Variants in FRMD5 observed in about 807,000 individuals in gnomAD.
The protein encoded by FRMD5 is FERM domain-containing protein 5.
A neutral mutation model predicts 69.0 loss-of-function variants in FRMD5; 20 were observed. The ratio of observed to expected loss-of-function variants is 0.29; its 90% CI spans 0.20 to 0.42. FRMD5 has a LOEUF of 0.42. Among genes scored for constraint, FRMD5 ranks in the 10% least tolerant of loss-of-function variants. The pLI is 1.00. For missense variants in FRMD5, 595 were observed against 708.6 expected (o/e 0.84, Z 1.82); for synonymous variants, 271 against 260.1 (o/e 1.04, Z -0.40).
intron 1 of FRMD5, among the ~76,000 whole-genome samples, chr15:43,985,613 A>G (rs923819451): frequency 2.0e-5 from 3 of 152,234 alleles, no homozygotes; most frequent in African/African-American, 7.2e-5. Context: ...TGACTGGACC[A>G]TATGACCAAA....
rs2088224387 is a variant in FRMD5 at position 43,873,592 on chromosome 15, C to G, written c.*293G>C. The G allele has an allele frequency of 7.0e-7, 1 of 1,434,260 alleles. No individual in the cohort carries two copies. The highest frequency in any genetic ancestry group is 2.9e-5 in the East Asian group (1 of 34,722). 88.8% of individuals were successfully genotyped at this position (1,434,260 alleles called of 1,614,324 possible). The stretch of plus-strand genomic sequence containing the variant: ...AAAATAATATACATCTATGAAAAAT[C>G]AAAATTCAAAACCAAAAATTATCCT... On this transcript the variant is annotated 3_prime_UTR_variant, in exon 14 of 14. Coordinates refer to ENST00000417257, the MANE Select transcript of FRMD5 (RefSeq NM_032892.5).
chr15:44,027,651 GTTTTTTTTTT>G (rs759567597), intron 1 of FRMD5, among the ~76,000 whole-genome samples: 1 of 73,950 alleles, frequency 1.4e-5, no homozygotes, highest in African/African-American at 3.3e-5. Flanking sequence ...TTTTTTTTTT[GTTTTTTTTTT>G]TTTTTCCGAG....
At chr15:43,927,282 C>T (rs2089600877) in intron 1 of FRMD5, among the ~76,000 whole-genome samples, 2 of 152,182 alleles carry the variant, frequency 1.3e-5, no homozygotes, top group African/African-American at 2.4e-5. Context: ...GGGGACCTCC[C>T]CCAGCCCACT....
intron 1 of FRMD5, among the ~76,000 whole-genome samples, chr15:44,096,865 T>G (rs2076561207): frequency 6.6e-6 from 1 of 152,132 alleles, no homozygotes. Flanking sequence ...TACTACTCAC[T>G]GAAAAATGTC....
chr15:44,124,244 C>T (rs1374626146), intron 1 of FRMD5, among the ~76,000 whole-genome samples: 6 of 151,776 alleles, frequency 4.0e-5, no homozygotes, highest in Admixed American at 1.3e-4. Context: ...CTGCCCGCCT[C>T]GGCCTCCCAA....
intron 1 of FRMD5, among the ~76,000 whole-genome samples, chr15:44,059,007 CT>C (rs1429478475): frequency 2.6e-5 from 4 of 152,148 alleles, no homozygotes; most frequent in Non-Finnish European, 4.4e-5. Context: ...GAGCCAGGAT[CT>C]TTGAGGACAA....
intron 1 of FRMD5, among the ~76,000 whole-genome samples, chr15:44,065,271 G>T (rs2733218): frequency 6.6e-6 from 1 of 152,332 alleles, no homozygotes; most frequent in Admixed American, 6.5e-5. Context: ...AATTATAATG[G>T]TAAAGAGGTC....
At chr15:44,038,520 CTTTTTTTTT>C (rs71111834) in intron 1 of FRMD5, among the ~76,000 whole-genome samples, 2 of 63,200 alleles carry the variant, frequency 3.2e-5, no homozygotes, top group Admixed American at 5.6e-4. Context: ...CTAGCCAGAG[CTTTTTTTTT>C]TTTTTTTTTT....
chr15:44,058,976 T>C (rs1892983371), intron 1 of FRMD5, among the ~76,000 whole-genome samples: 1 of 152,130 alleles, frequency 6.6e-6, no homozygotes. Context: ...TGTTTGACAC[T>C]AAATTTCCCC....
chr15:44,187,470 G>C (rs1282521630), intron 1 of FRMD5, among the ~76,000 whole-genome samples: 1 of 151,890 alleles, frequency 6.6e-6, no homozygotes, highest in Non-Finnish European at 1.5e-5. Context: ...AAAAACTAAA[G>C]ACTTTACATT....
intron 1 of FRMD5, among the ~76,000 whole-genome samples, chr15:43,983,872 C>T (rs2090584613): frequency 6.6e-6 from 1 of 152,182 alleles, no homozygotes; most frequent in African/African-American, 2.4e-5. Flanking sequence ...GGGTCCCAGG[C>T]AGCAAGTGCT....
intron 13 of FRMD5, chr15:43,879,467 C>T: frequency 2.5e-6 from 1 of 399,032 alleles, no homozygotes; most frequent in Non-Finnish European, 4.4e-6. Context: ...TCTGCGCTAA[C>T]TGGCACAGCA....
chr15:43,910,702 G>C (rs1415383086), intron 4 of FRMD5, among the ~76,000 whole-genome samples: 2 of 152,032 alleles, frequency 1.3e-5, no homozygotes, highest in African/African-American at 2.4e-5. Flanking sequence ...GTGGAAGCAG[G>C]ATATCAAAAA....
chr15:43,969,313 C>T (rs896864714), intron 1 of FRMD5, among the ~76,000 whole-genome samples: 3 of 152,064 alleles, frequency 2.0e-5, no homozygotes, highest in Non-Finnish European at 2.9e-5. Flanking sequence ...CACTCCTGGG[C>T]TCAAGCGATC....
intron 1 of FRMD5, among the ~76,000 whole-genome samples, chr15:44,175,729 A>G (rs1444837633): frequency 2.0e-5 from 3 of 152,210 alleles, no homozygotes; most frequent in Non-Finnish European, 2.9e-5. Context: ...TCAATGGGTT[A>G]ATAGATGAAC....
intron 1 of FRMD5, among the ~76,000 whole-genome samples, chr15:44,143,389 A>G (rs2077302293): frequency 6.6e-6 from 1 of 151,916 alleles, no homozygotes; most frequent in South Asian, 2.1e-4. Flanking sequence ...CAAACTTTTC[A>G]CTTGGGGACT....
chr15:43,969,861 T>C (rs1021659774), intron 1 of FRMD5, among the ~76,000 whole-genome samples: 10 of 152,366 alleles, frequency 6.6e-5, no homozygotes, highest in Middle Eastern at 3.4e-3. Context: ...CTATACTGGT[T>C]ATAAATGTAC....
At chr15:44,033,464 C>A (rs1401300452) in intron 1 of FRMD5, among the ~76,000 whole-genome samples, 1 of 151,962 alleles carries the variant, frequency 6.6e-6, no homozygotes, top group Non-Finnish European at 1.5e-5. Context: ...CAATAAATAT[C>A]CCAAATAATA....
intron 1 of FRMD5, among the ~76,000 whole-genome samples, chr15:43,998,828 C>T (rs1255148623): frequency 6.6e-6 from 1 of 152,212 alleles, no homozygotes; most frequent in Admixed American, 6.5e-5. Context: ...CATTCCAAGA[C>T]TCCGCCCTGC....
Sources: gnomAD v4.1 joint callset for allele counts (sites outside exome capture counted in the v4.1 genomes callset) on GRCh38, gnomAD v4.1.1 for gene constraint, MANE v1.5 for transcripts, NCBI Gene and HGNC (gene_info 2026-07-23, HGNC 2026-07-21) for gene names.